The following PLEKHA1 variants were observed in gnomAD, a reference collection of about 807,000 sequenced individuals.
PLEKHA1 encodes pleckstrin homology domain-containing family A member 1.
PLEKHA1 carries 34 observed loss-of-function variants against 52.0 expected under a neutral mutation model. The ratio of observed to expected loss-of-function variants is 0.65; its 90% CI spans 0.50 to 0.87. PLEKHA1 has a LOEUF of 0.87. Among genes scored for constraint, PLEKHA1 ranks in the 40% least tolerant of loss-of-function variants. The pLI is 0.00. For missense variants in PLEKHA1, 497 were observed against 504.2 expected (o/e 0.99, Z 0.14); for synonymous variants, 163 against 170.7 (o/e 0.95, Z 0.35).
intron 2 of PLEKHA1, among the ~76,000 whole-genome samples, chr10:122,397,451 AAAC>A (rs2096866531): frequency 6.6e-6 from 1 of 152,172 alleles, no homozygotes; most frequent in Non-Finnish European, 1.5e-5. Flanking sequence ...ATGGCATAAA[AAAC>A]AGTAAACCAT....
chr10:122,407,428 T>A (rs776702280), intron 5 of PLEKHA1, among the ~76,000 whole-genome samples: 1 of 152,228 alleles, frequency 6.6e-6, no homozygotes, highest in Non-Finnish European at 1.5e-5. Context: ...CTTAGAAAGA[T>A]TAATCTACCA....
Position 122,383,132 on chromosome 10 carries a change from G to A in PLEKHA1, c.-21+8326G>A, listed in dbSNP as rs542208677. 2.6e-5 allele frequency among the ~76,000 whole-genome samples: 4 copies of A among 152,130 alleles called. No individual in the cohort carries two copies. In the East Asian group the frequency reaches 7.7e-4, roughly 29 times the overall value. ...AAAAACTTTTCTATTATGGAGATTT[G>A]TGAACATCCACAAAAATAGAATAGT... On this transcript the variant is annotated intron_variant, in intron 1 of 11. Transcript: ENST00000368990.
At chr10:122,388,557 A>G (rs2096732716) in intron 1 of PLEKHA1, among the ~76,000 whole-genome samples, 1 of 152,252 alleles carries the variant, frequency 6.6e-6, no homozygotes, top group South Asian at 2.1e-4. Flanking sequence ...AAATGTTGCA[A>G]TAGAATGAAT....
intron 4 of PLEKHA1, 75 bp from the exon 5 acceptor site, chr10:122,406,501 T>C (rs1229282518): frequency 8.3e-7 from 1 of 1,211,106 alleles, no homozygotes. Flanking sequence ...CTTAGCAAGG[T>C]TTTTCAGCTA....
At chr10:122,390,653 A>G (rs997714919) in intron 1 of PLEKHA1, among the ~76,000 whole-genome samples, 1 of 152,180 alleles carries the variant, frequency 6.6e-6, no homozygotes, top group Non-Finnish European at 1.5e-5. Flanking sequence ...TGGTACATGC[A>G]TGTAGTTCTC....
At chr10:122,400,313 T>A in intron 3 of PLEKHA1, 30 bp from the exon 4 acceptor site, 1 of 1,583,388 alleles carries the variant, frequency 6.3e-7, no homozygotes, top group African/African-American at 1.4e-5. Flanking sequence ...TATGGAGAAG[T>A]GAGGAACCCG....
At chr10:122,390,430 A>G (rs941905237) in intron 1 of PLEKHA1, among the ~76,000 whole-genome samples, 1 of 152,120 alleles carries the variant, frequency 6.6e-6, no homozygotes, top group Non-Finnish European at 1.5e-5. Flanking sequence ...GGTCTGTCTC[A>G]GCTTTTGACA....
At chr10:122,385,447 A>C (rs924872251) in intron 1 of PLEKHA1, among the ~76,000 whole-genome samples, 1 of 150,916 alleles carries the variant, frequency 6.6e-6, no homozygotes, top group East Asian at 2.0e-4. Flanking sequence ...CCTCCTGAGT[A>C]GCTGGGATTA....
At chr10:122,428,567 T>A in intron 11 of PLEKHA1, 1 of 765,554 alleles carries the variant, frequency 1.3e-6, no homozygotes, top group Non-Finnish European at 1.8e-6. Context: ...AAAGAGACAT[T>A]AACATATAAA....
chr10:122,398,004 G>A, intron 3 of PLEKHA1, 30 bp downstream of exon 3: 1 of 1,557,418 alleles, frequency 6.4e-7, no homozygotes, highest in Non-Finnish European at 8.8e-7. Flanking sequence ...TTATACTCGT[G>A]TGAATTAAAA....
At chr10:122,377,206 C>T (rs2096550493) in intron 1 of PLEKHA1, among the ~76,000 whole-genome samples, 1 of 152,044 alleles carries the variant, frequency 6.6e-6, no homozygotes, top group South Asian at 2.1e-4. Flanking sequence ...AGATAGTTTT[C>T]TGAATATAGT....
At chr10:122,413,104 T>C in intron 6 of PLEKHA1, 59 bp downstream of exon 6, 1 of 1,418,712 alleles carries the variant, frequency 7.0e-7, no homozygotes, top group Non-Finnish European at 9.6e-7. Context: ...GATTTTTATA[T>C]TATTAAAACT....
intron 4 of PLEKHA1, among the ~76,000 whole-genome samples, chr10:122,401,448 AAGGGTG>A (rs1194478317): frequency 6.6e-6 from 1 of 151,904 alleles, no homozygotes; most frequent in African/African-American, 2.4e-5. Context: ...GAGAAGGAGG[AAGGGTG>A]AAAAGAAGGA....
chr10:122,435,065 TC>T (rs2097433379), downstream of PLEKHA1: 1 of 152,120 alleles, frequency 6.6e-6, no homozygotes, highest in Non-Finnish European at 1.5e-5. Context: ...AAAAAGGAAA[TC>T]CCTTTCTTAG....
chr10:122,391,078 A>G (rs760458561), intron 1 of PLEKHA1, among the ~76,000 whole-genome samples: 5 of 151,794 alleles, frequency 3.3e-5, no homozygotes, highest in East Asian at 1.9e-4. Flanking sequence ...CTCGTTGACC[A>G]TTTGTTTATC....
intron 4 of PLEKHA1, among the ~76,000 whole-genome samples, chr10:122,406,099 G>A (rs6585827): frequency 0.48 from 72,503 of 151,904 alleles, 17,926 homozygotes; most frequent in East Asian, 0.62. Flanking sequence ...AGGGGTATTC[G>A]ATGAAATAAA....
At position 122,426,928 on chromosome 10, in the gene PLEKHA1, C is replaced by CT. The variant is rs748057794; in HGVS notation, c.811-8dup. ...TGAGAAAAAATTGTTTGAATGAGTTCTTTTTTCCTTTAGGCTGATAGCCCT... is the reference window on the plus strand; with the variant it reads ...TGAGAAAAAATTGTTTGAATGAGTTCTTTTTTTCCTTTAGGCTGATAGCCCT... On this transcript the variant is annotated splice_polypyrimidine_tract_variant and intron_variant, in intron 10 of 11. Transcript: ENST00000368990. The CT allele has an allele frequency of 3.1e-6, 5 of 1,605,282 alleles. No homozygotes were observed. Among genetic ancestry groups the CT allele is most frequent in the Non-Finnish European group, 3.4e-6 (4 of 1,173,240 alleles).
intron 1 of PLEKHA1, among the ~76,000 whole-genome samples, chr10:122,380,342 G>A (rs891258817): frequency 6.6e-6 from 1 of 152,052 alleles, no homozygotes; most frequent in Admixed American, 6.6e-5. Flanking sequence ...TACAGTGTGG[G>A]GAAACAGACA....
chr10:122,386,155 G>A (rs955751855), intron 1 of PLEKHA1, among the ~76,000 whole-genome samples: 1 of 151,958 alleles, frequency 6.6e-6, no homozygotes, highest in Admixed American at 6.6e-5. Context: ...GTGTTGTCAG[G>A]GTTTTTTTTG....
Sources: gnomAD v4.1 joint callset for allele counts (sites outside exome capture counted in the v4.1 genomes callset) on GRCh38, gnomAD v4.1.1 for gene constraint, MANE v1.5 for transcripts, NCBI Gene and HGNC (gene_info 2026-07-23, HGNC 2026-07-21) for gene names.